The following FMR1 variants were observed in gnomAD, a reference collection of about 807,000 sequenced individuals.
FMR1 encodes the protein fragile X messenger ribonucleoprotein 1.
In FMR1, 13 loss-of-function variants were observed where a neutral mutation model predicts 50.6. That is an observed-to-expected ratio of 0.26 (90% confidence interval 0.17 to 0.41). The LOEUF (loss-of-function observed/expected upper bound fraction) is 0.41, where lower values mean the gene tolerates loss of function less well. FMR1 is among the 10% of genes least tolerant of loss of function. The pLI is 1.00. For missense variants in FMR1, 316 were observed against 491.3 expected, an observed-to-expected ratio of 0.64 and a Z score of 3.37; for synonymous variants, 138 against 164.1, an observed-to-expected ratio of 0.84 and a Z score of 1.22.
chrX:147,920,206 A>C (rs1378715646), intron 1 of FMR1, among the ~76,000 whole-genome samples: 1 of 112,094 alleles, frequency 8.9e-6, no homozygotes, highest in African/African-American at 3.2e-5. Flanking sequence ...GTATGAGGTA[A>C]AGGTTGAAAC....
intron 3 of FMR1, 27 bp downstream of exon 3, chrX:147,925,660 T>G (rs1569545491): frequency 2.1e-6 from 2 of 957,291 alleles, no homozygotes; most frequent in African/African-American, 3.8e-5. Flanking sequence ...ATAAAGTCAT[T>G]TAGCACTGAA....
rs782046055 is a variant in FMR1, at chrX:147,949,026, G to C, written c.*182G>C. 1 of 520,461 alleles carries C rather than the reference G, an allele frequency of 1.9e-6. No individual in the cohort carries two copies. Among genetic ancestry groups the C allele is most frequent in the South Asian group, 2.5e-5 (1 of 39,421 alleles). 42.9% of individuals were successfully genotyped at this position (520,461 alleles called of 1,213,427 possible). A position where few individuals can be genotyped will look rare whatever the true frequency, so the allele number is the denominator to read the frequency against. On this transcript the variant is annotated 3_prime_UTR_variant, in exon 17 of 17. Coordinates refer to ENST00000370475, the MANE Select transcript of FMR1 (RefSeq NM_002024.6). Reference sequence around the variant, plus strand: ...GCCATAAGCAACAATTTTCAGATTTGCACAAAAAGATACCTTAAAATTTGA... The same window carrying C: ...GCCATAAGCAACAATTTTCAGATTTCCACAAAAAGATACCTTAAAATTTGA...
chrX:147,937,657 A>G, intron 11 of FMR1, 57 bp downstream of exon 11: 1 of 632,342 alleles, frequency 1.6e-6, no homozygotes, highest in Non-Finnish European at 2.7e-6. Context: ...CAGATGTCAC[A>G]ATTGGTATTT....
chrX:147,940,368 G>A, intron 12 of FMR1: 1 of 406,950 alleles, frequency 2.5e-6, no homozygotes, highest in South Asian at 3.5e-5. Context: ...ACGTTTAAAA[G>A]GTTGCTATTG....
At chrX:147,947,702 T>TCC (rs1231482079) in intron 16 of FMR1, 13 of 105,221 alleles carry the variant, frequency 1.2e-4, no homozygotes, top group Non-Finnish European at 2.5e-4. Flanking sequence ...AGAGCGAGAC[T>TCC]GTCTGGGAAA....
chrX:147,940,323 C>T, intron 12 of FMR1: 1 of 348,324 alleles, frequency 2.9e-6, no homozygotes, highest in East Asian at 5.3e-5. Flanking sequence ...TGTGATTTTG[C>T]TGATACTGAA....
At chrX:147,912,624 G>C (rs1407744398) in intron 1 of FMR1, 8 of 302,440 alleles carry the variant, frequency 2.6e-5, no homozygotes, top group Non-Finnish European at 4.6e-5. Context: ...ATCCGGGCCT[G>C]TCGTGTGGGT....
chrX:147,929,931 T>C lies in FMR1; in HGVS notation c.420-17T>C. 1.8e-6 allele frequency: 2 copies of C among 1,105,995 alleles called. No homozygotes were observed. The highest frequency in any genetic ancestry group is 6.1e-5 in the East Asian group (2 of 32,969). 91.1% of individuals were successfully genotyped at this position (1,105,995 alleles called of 1,213,427 possible). On this transcript the variant is annotated splice_polypyrimidine_tract_variant and intron_variant, in intron 5 of 16. Transcript: ENST00000370475. ...GTTGGTAATTATTCATCTTAATTTT[T>C]TTTTTTAAATTTCTAGGTGTGCCAA...
intron 3 of FMR1, among the ~76,000 whole-genome samples, chrX:147,926,832 C>G (rs2043406872): frequency 9.1e-6 from 1 of 110,379 alleles, no homozygotes; most frequent in Non-Finnish European, 1.9e-5. Flanking sequence ...AAAGGTGTAG[C>G]AAAAACAGGA....
rs782786997 is a variant in FMR1 at position 147,928,854 on chromosome X, A to G, written c.419+47A>G. On this transcript the variant is annotated intron_variant, in intron 5 of 16. Transcript: ENST00000370475. The stretch of plus-strand genomic sequence containing the variant: ...GCTGAGAACTTGGAAGTGATATGCA[A>G]TTAGTTTAGAAGAATTTCTAGTAGT... 1.9e-5 allele frequency: 22 copies of G among 1,141,965 alleles called. No individual in the cohort carries two copies. The African/African-American group carries it at 2.3e-4, about 12-fold the overall frequency. The allele number at this position is 1,141,965 out of a possible 1,213,427, so 94.1% of individuals were successfully genotyped here. A position where few individuals can be genotyped will look rare whatever the true frequency, so the allele number is the denominator to read the frequency against.
intron 10 of FMR1, 120 bp from the exon 11 acceptor site, chrX:147,937,346 A>T (rs2043825409): frequency 2.0e-6 from 1 of 504,362 alleles, no homozygotes; most frequent in Non-Finnish European, 3.5e-6. Flanking sequence ...TTTATAAACC[A>T]AAACTGTTTA....
intron 2 of FMR1, among the ~76,000 whole-genome samples, 169 bp from the exon 3 acceptor site, chrX:147,925,371 T>A (rs990312501): frequency 8.0e-5 from 9 of 111,945 alleles, no homozygotes; most frequent in African/African-American, 2.9e-4. Context: ...GAAATGTTAC[T>A]ATATTGCCGT....
In FMR1 at chrX:147,922,277, A is replaced by G. The variant is rs191019272; in HGVS notation, c.104+292A>G. The stretch of plus-strand genomic sequence containing the variant: ...TGTATTAGTAACTGGAAGTTCGCAT[A>G]GGAGTATTTGTAAATTTTAAAAAGA... On this transcript the variant is annotated intron_variant, in intron 2 of 16. Coordinates refer to ENST00000370475, the MANE Select transcript of FMR1 (RefSeq NM_002024.6). 2.7e-5 allele frequency among the ~76,000 whole-genome samples: 3 copies of G among 112,061 alleles called. No homozygotes were observed. In the East Asian group the frequency reaches 8.4e-4, roughly 31 times the overall value.
chrX:147,940,673 A>G lies in FMR1; in HGVS notation c.1275+11A>G, dbSNP rs927397885. Reference sequence around the variant, plus strand: ...CTGAACTATTTAAAGGTGAGAACAGAAAGAACTTTAACTTCTAATCCTTTT... The same window carrying G: ...CTGAACTATTTAAAGGTGAGAACAGGAAGAACTTTAACTTCTAATCCTTTT... On this transcript the variant is annotated intron_variant, in intron 13 of 16. Transcript: ENST00000370475. The G allele has an allele frequency of 1.5e-5, 16 of 1,082,072 alleles. No individual in the cohort carries two copies. Among genetic ancestry groups the G allele is most frequent in the Non-Finnish European group, 1.9e-5 (15 of 777,231 alleles). The allele number at this position is 1,082,072 out of a possible 1,213,427, so 89.2% of individuals were successfully genotyped here.
intron 1 of FMR1, among the ~76,000 whole-genome samples, chrX:147,917,864 A>C (rs1385538289): frequency 1.8e-5 from 2 of 111,715 alleles, no homozygotes; most frequent in South Asian, 3.8e-4. Context: ...TAGAGCCAAG[A>C]TTTTGAACGT....
intron 2 of FMR1, among the ~76,000 whole-genome samples, chrX:147,924,379 A>G (rs1257405044): frequency 9.0e-6 from 1 of 110,513 alleles, no homozygotes; most frequent in African/African-American, 3.3e-5. Context: ...GTATCTGCTG[A>G]TGAAGAACAC....
In FMR1 at chrX:147,912,113, G is replaced by GCGGAGGCGGCGGCGGCGGCGGC; in HGVS notation, c.-67_-66insCGGAGGCGGCGGCGGCGGCGGC. The GCGGAGGCGGCGGCGGCGGCGGC allele has an allele frequency of 1.3e-6, 1 of 789,276 alleles. No homozygotes were observed. Among genetic ancestry groups the GCGGAGGCGGCGGCGGCGGCGGC allele is most frequent in the African/African-American group, 2.3e-5 (1 of 43,210 alleles). 65.0% of individuals were successfully genotyped at this position (789,276 alleles called of 1,213,427 possible). On this transcript the variant is annotated 5_prime_UTR_variant, in exon 1 of 17. Transcript: ENST00000370475. ...GGCGGCGGCGGCGGCGGCGGCGGCT[G>GCGGAGGCGGCGGCGGCGGCGGC]GGCCTCGAGCGCCCGCAGCCCACCT...
chrX:147,945,155 C>G, intron 15 of FMR1, 104 bp downstream of exon 15: 1 of 1,112,028 alleles, frequency 9.0e-7, no homozygotes, highest in South Asian at 2.0e-5. Context: ...GATCCCATCT[C>G]TCCCGTTTTG....
At chrX:147,925,921 G>A (rs1434995540) in intron 3 of FMR1, among the ~76,000 whole-genome samples, 1 of 111,661 alleles carries the variant, frequency 9.0e-6, no homozygotes, top group Non-Finnish European at 1.9e-5. Flanking sequence ...CTGAATCTTT[G>A]AATAGTATGT....
Sources: gnomAD v4.1 joint callset for allele counts (sites outside exome capture counted in the v4.1 genomes callset) on GRCh38, gnomAD v4.1.1 for gene constraint, MANE v1.5 for transcripts, NCBI Gene and HGNC (gene_info 2026-07-23, HGNC 2026-07-21) for gene names.